CNNM2: variants seen among roughly 807,000 people sequenced by gnomAD.
CNNM2 encodes the protein metal transporter CNNM2.
CNNM2 carries 12 observed loss-of-function variants against 66.9 expected under a neutral mutation model. The ratio of observed to expected loss-of-function variants is 0.18; its 90% CI spans 0.11 to 0.29. The LOEUF (loss-of-function observed/expected upper bound fraction) is 0.29. CNNM2 is among the 10% of genes least tolerant of loss of function. The probability of loss-of-function intolerance (pLI) is 1.00; values close to 1 mark genes in which losing one functional copy is unlikely to be tolerated. For synonymous variants in CNNM2, 557 were observed against 501.8 expected (o/e 1.11, Z -1.47); for missense variants, 705 against 1,167.7 (o/e 0.60, Z 5.77).
chr10:102,968,337 C>T (rs890261786), intron 1 of CNNM2, among the ~76,000 whole-genome samples: 2 of 152,092 alleles, frequency 1.3e-5, no homozygotes, highest in East Asian at 1.9e-4. Context: ...ACCTCTGCCT[C>T]CTGGGTTCAA....
chr10:103,036,617 G>A (rs1056043848), intron 1 of CNNM2, among the ~76,000 whole-genome samples: 3 of 152,116 alleles, frequency 2.0e-5, no homozygotes, highest in Admixed American at 6.5e-5. Flanking sequence ...TCCAAAAACC[G>A]TTTCTCTCTT....
rs71753183 is a variant in CNNM2, at chr10:102,935,158, C to CAA, written c.1621+15080_1621+15081dup. ...TGGGCGACAGAGCGAGACTCCATCT[C>CAA]AAAAAAAAAAAAAAAAAAAAAAAAG... On this transcript the variant is annotated intron_variant, in intron 1 of 7. Transcript: ENST00000369878. 1.8e-3 allele frequency among the ~76,000 whole-genome samples: 149 copies of CAA among 82,056 alleles called. No homozygotes were observed. The highest frequency in any genetic ancestry group is 6.5e-3 in the Middle Eastern group (1 of 154). The allele number at this position is 82,056 out of a possible 152,430, so 53.8% of individuals were successfully genotyped here. A position where few individuals can be genotyped will look rare whatever the true frequency, so the allele number is the denominator to read the frequency against.
chr10:103,074,223 G>A (rs1228004946), intron 6 of CNNM2, among the ~76,000 whole-genome samples: 1 of 152,116 alleles, frequency 6.6e-6, no homozygotes, highest in East Asian at 1.9e-4. Context: ...GGGAGGTGGA[G>A]GTTGCAGTGG....
At chr10:102,952,696 G>A (rs1273764062) in intron 1 of CNNM2, among the ~76,000 whole-genome samples, 1 of 152,150 alleles carries the variant, frequency 6.6e-6, no homozygotes, top group African/African-American at 2.4e-5. Flanking sequence ...GGGGCACTGG[G>A]GAACATTGGA....
chr10:103,006,351 C>T (rs890226789), intron 1 of CNNM2, among the ~76,000 whole-genome samples: 2 of 151,800 alleles, frequency 1.3e-5, no homozygotes, highest in Admixed American at 6.6e-5. Flanking sequence ...GGATTATAGG[C>T]ACCTGCTGCC....
intron 1 of CNNM2, among the ~76,000 whole-genome samples, chr10:102,941,471 A>T (rs2134179141): frequency 6.6e-6 from 1 of 152,312 alleles, no homozygotes; most frequent in South Asian, 2.1e-4. Context: ...ACAACTGGCA[A>T]GGTCCCATGG....
Position 103,087,389 on chromosome 10 carries a change from C to T in CNNM2, c.*10209C>T, listed in dbSNP as rs967507409. On this transcript the variant is annotated 3_prime_UTR_variant, in exon 8 of 8. Coordinates refer to ENST00000369878, the MANE Select transcript of CNNM2 (RefSeq NM_017649.5). The stretch of plus-strand genomic sequence containing the variant: ...TCTTGAATACGTTTTGGTGGTCCTA[C>T]GGAGAGCTGTAACTAGCAGTGGAGT... 3 of 151,816 alleles carry T rather than the reference C, an allele frequency of 2.0e-5. No homozygotes were observed. Among genetic ancestry groups the T allele is most frequent in the Admixed American group, 6.6e-5 (1 of 15,224 alleles). The allele number at this position is 151,816 out of a possible 1,614,324, so 9.4% of individuals were successfully genotyped here. A position where few individuals can be genotyped will look rare whatever the true frequency, so the allele number is the denominator to read the frequency against.
chr10:103,037,036 A>C (rs2064953575), intron 1 of CNNM2, among the ~76,000 whole-genome samples: 1 of 152,142 alleles, frequency 6.6e-6, no homozygotes, highest in Non-Finnish European at 1.5e-5. Flanking sequence ...AGTAAATGGG[A>C]TCTTGAGCAA....
rs7915536 is a variant in CNNM2 at position 102,946,082 on chromosome 10, C to T, written c.1621+25981C>T. 2.5e-3 allele frequency among the ~76,000 whole-genome samples: 380 copies of T among 152,172 alleles called. 2 individuals carry two copies. Among genetic ancestry groups the T allele is most frequent in the African/African-American group, 8.9e-3 (370 of 41,502 alleles). On this transcript the variant is annotated intron_variant, in intron 1 of 7. Coordinates refer to ENST00000369878, the MANE Select transcript of CNNM2 (RefSeq NM_017649.5). ...GTGTGGAAAATGCAAAGCCATTTTACGTGTTGAGCAAGTCCTTCAGGAACA... is the reference window on the plus strand; with the variant it reads ...GTGTGGAAAATGCAAAGCCATTTTATGTGTTGAGCAAGTCCTTCAGGAACA...
At chr10:102,928,794 G>T (rs967965467) in intron 1 of CNNM2, among the ~76,000 whole-genome samples, 1 of 152,044 alleles carries the variant, frequency 6.6e-6, no homozygotes, top group African/African-American at 2.4e-5. Flanking sequence ...TCCCCCAAAG[G>T]CCCCACCTCT....
intron 1 of CNNM2, among the ~76,000 whole-genome samples, chr10:103,015,192 A>G (rs1399182219): frequency 6.6e-6 from 1 of 152,204 alleles, no homozygotes; most frequent in African/African-American, 2.4e-5. Flanking sequence ...AAGGTGGACA[A>G]AATTACCATT....
chr10:103,028,814 C>CTTT (rs67846722), intron 1 of CNNM2, among the ~76,000 whole-genome samples: 18 of 126,148 alleles, frequency 1.4e-4, no homozygotes, highest in Non-Finnish European at 1.6e-4. Flanking sequence ...TTTTCTTTTT[C>CTTT]TTTTTTTTTT....
chr10:102,952,360 C>T (rs1029291125), intron 1 of CNNM2, among the ~76,000 whole-genome samples: 3 of 152,078 alleles, frequency 2.0e-5, no homozygotes, highest in African/African-American at 2.4e-5. Context: ...GTCAGGAAAT[C>T]GAGACCATCC....
chr10:102,949,450 C>T (rs1590295202), intron 1 of CNNM2, among the ~76,000 whole-genome samples: 1 of 151,006 alleles, frequency 6.6e-6, no homozygotes, highest in East Asian at 2.0e-4. Context: ...GCTGGGATTA[C>T]AGGCATGAGC....
At chr10:103,017,000 TA>T (rs951443767) in intron 1 of CNNM2, among the ~76,000 whole-genome samples, 2 of 151,720 alleles carry the variant, frequency 1.3e-5, no homozygotes, top group Non-Finnish European at 2.9e-5. Context: ...TTAACCAGGT[TA>T]AAAAAGGGTG....
intron 1 of CNNM2, among the ~76,000 whole-genome samples, chr10:103,001,634 T>C (rs1286313806): frequency 6.6e-6 from 1 of 152,088 alleles, no homozygotes; most frequent in Non-Finnish European, 1.5e-5. Flanking sequence ...TGCAAAAGAA[T>C]GGAAATAGAC....
At chr10:103,052,052 G>A (rs945037383) in intron 2 of CNNM2, among the ~76,000 whole-genome samples, 3 of 152,002 alleles carry the variant, frequency 2.0e-5, no homozygotes, top group East Asian at 1.9e-4. Flanking sequence ...CGAGGCAGGC[G>A]GATCATGAGG....
At position 103,077,209 on chromosome 10, in the gene CNNM2, G is replaced by C; in HGVS notation, c.*29G>C. 6.2e-7 allele frequency: 1 copy of C among 1,600,570 alleles called. No homozygotes were observed. ...GCGCTGGCTGCACCCGCCCAGGCCC[G>C]CACCCGCCCAGTCCCGAGGGCCCGG... On this transcript the variant is annotated 3_prime_UTR_variant, in exon 8 of 8. Transcript: ENST00000369878.
rs542822134 is a variant in CNNM2, at chr10:102,924,809, T to A, written c.1621+4708T>A. 2.0e-5 allele frequency among the ~76,000 whole-genome samples: 3 copies of A among 152,290 alleles called. No individual in the cohort carries two copies. The East Asian group carries it at 5.8e-4, about 29-fold the overall frequency. Reference sequence around the variant, plus strand: ...TTAGTGTTTAAAGGTATGAATGGTGTCACCGGGAGCTGATATATTTGTTTT... The same window carrying A: ...TTAGTGTTTAAAGGTATGAATGGTGACACCGGGAGCTGATATATTTGTTTT... On this transcript the variant is annotated intron_variant, in intron 1 of 7. Coordinates refer to ENST00000369878, the MANE Select transcript of CNNM2 (RefSeq NM_017649.5).
Sources: gnomAD v4.1 joint callset for allele counts (sites outside exome capture counted in the v4.1 genomes callset) on GRCh38, gnomAD v4.1.1 for gene constraint, MANE v1.5 for transcripts, NCBI Gene and HGNC (gene_info 2026-07-23, HGNC 2026-07-21) for gene names.